Variants in CABLES1 observed in about 807,000 individuals in gnomAD.
The protein encoded by CABLES1 is CDK5 and ABL1 enzyme substrate 1.
In CABLES1, 36 loss-of-function variants were observed where a neutral mutation model predicts 57.8. That is an observed-to-expected ratio of 0.62 (90% CI 0.48 to 0.82). The LOEUF (loss-of-function observed/expected upper bound fraction) is 0.82. CABLES1 is among the 40% of genes least tolerant of loss of function. CABLES1 has a pLI of 0.00. For missense variants in CABLES1, 767 were observed against 836.6 expected, an observed-to-expected ratio of 0.92 and a Z score of 1.03; for synonymous variants, 374 against 363.0, an observed-to-expected ratio of 1.03 and a Z score of -0.35.
In CABLES1 at chr18:23,259,908, A is replaced by C. The variant is rs1393286630; in HGVS notation, c.*2541A>C. The stretch of plus-strand genomic sequence containing the variant: ...CTGAGGCCTCTCCAGTCCTCCCCAC[A>C]CTCAGAGATCTGTGGGGAAGCTCCG... On this transcript the variant is annotated 3_prime_UTR_variant, in exon 10 of 10. Coordinates refer to ENST00000256925, the MANE Select transcript of CABLES1 (RefSeq NM_001100619.3). 6.6e-6 allele frequency: 1 copy of C among 152,098 alleles called. No homozygotes were observed. Among genetic ancestry groups the C allele is most frequent in the Non-Finnish European group, 1.5e-5 (1 of 68,136 alleles). The allele number at this position is 152,098 out of a possible 1,614,324, so 9.4% of individuals were successfully genotyped here.
intron 4 of CABLES1, among the ~76,000 whole-genome samples, chr18:23,221,072 C>G (rs2047483562): frequency 6.6e-6 from 1 of 152,144 alleles, no homozygotes; most frequent in African/African-American, 2.4e-5. Context: ...CTTCAGGAAG[C>G]CATTTAGGGA....
chr18:23,237,052 C>G, intron 6 of CABLES1, 90 bp from the exon 7 acceptor site: 2 of 809,228 alleles, frequency 2.5e-6, no homozygotes, highest in Non-Finnish European at 4.4e-6. Flanking sequence ...TTTCTTCATT[C>G]CAGCTATACT....
Position 23,246,430 on chromosome 18 carries a change from C to T in CABLES1, c.1447-6530C>T, listed in dbSNP as rs376384827. On this transcript the variant is annotated intron_variant, in intron 7 of 9. Transcript: ENST00000256925. ...TTTTTGAGACGGAGTCTTGCTCTGT[C>T]GCCCAGGCTGAAGTGCAGTGGCAAG... Among the ~76,000 whole-genome samples, 24 of 151,996 alleles carry T rather than the reference C, an allele frequency of 1.6e-4. No homozygotes were observed. The East Asian group carries it at 1.7e-3, about 11-fold the overall frequency.
At chr18:23,252,575 A>T (rs2048064847) in intron 7 of CABLES1, among the ~76,000 whole-genome samples, 1 of 152,200 alleles carries the variant, frequency 6.6e-6, no homozygotes, top group Non-Finnish European at 1.5e-5. Context: ...AAGCCGTCAG[A>T]CTAGTGAATG....
intron 3 of CABLES1, among the ~76,000 whole-genome samples, chr18:23,200,320 T>C (rs907757794): frequency 6.6e-5 from 10 of 151,842 alleles, no homozygotes; most frequent in Admixed American, 4.6e-4. Flanking sequence ...AGTGCAGTGG[T>C]GTGATCTCGG....
At chr18:23,180,229 GT>G (rs555686701) in intron 1 of CABLES1, among the ~76,000 whole-genome samples, 1 of 152,008 alleles carries the variant, frequency 6.6e-6, no homozygotes, top group Non-Finnish European at 1.5e-5. Flanking sequence ...CCAACAGTTT[GT>G]TTTTTTTAAG....
intron 3 of CABLES1, among the ~76,000 whole-genome samples, chr18:23,212,245 A>AT (rs1467500701): frequency 3.9e-5 from 6 of 152,240 alleles, no homozygotes. Flanking sequence ...AAGATGGTTC[A>AT]TATTTATTGA....
intron 1 of CABLES1, among the ~76,000 whole-genome samples, chr18:23,157,012 AT>A (rs1225386128): frequency 6.6e-6 from 1 of 152,192 alleles, no homozygotes; most frequent in African/African-American, 2.4e-5. Flanking sequence ...GGTGACTCAA[AT>A]TTTTTGCCAC....
At position 23,200,552 on chromosome 18, in the gene CABLES1, G is replaced by T. The variant is rs562110914; in HGVS notation, c.1010+6012G>T. Among the ~76,000 whole-genome samples the T allele has an allele frequency of 1.4e-4, 21 of 152,194 alleles. No individual in the cohort carries two copies. The East Asian group carries it at 1.5e-3, about 11-fold the overall frequency. On this transcript the variant is annotated intron_variant, in intron 3 of 9. Transcript: ENST00000256925. ...GCTGGGATTACAGGCGTGAGCCACC[G>T]TGCCCGGTCAGGAGAGGGTAGATTT...
intron 1 of CABLES1, among the ~76,000 whole-genome samples, chr18:23,158,965 GTGTT>G (rs1181804488): frequency 2.0e-5 from 3 of 152,184 alleles, no homozygotes; most frequent in South Asian, 2.1e-4. Flanking sequence ...CACTGGGTTG[GTGTT>G]TGTTTGCTTG....
chr18:23,235,826 C>A, intron 5 of CABLES1, 69 bp from the exon 6 acceptor site: 1 of 1,477,874 alleles, frequency 6.8e-7, no homozygotes, highest in Non-Finnish European at 9.4e-7. Context: ...ACAACTGTAG[C>A]TTGATCAGAA....
chr18:23,224,994 C>T (rs763071548), intron 4 of CABLES1, among the ~76,000 whole-genome samples: 30 of 152,158 alleles, frequency 2.0e-4, no homozygotes, highest in South Asian at 1.5e-3. Flanking sequence ...CAGCTTCCTG[C>T]GTAGCTGGGA....
intron 1 of CABLES1, among the ~76,000 whole-genome samples, chr18:23,139,861 T>C (rs894249042): frequency 1.2e-4 from 19 of 152,212 alleles, no homozygotes; most frequent in Non-Finnish European, 1.3e-4. Context: ...CCATAGATAA[T>C]TTTTGAGCTG....
In CABLES1 at chr18:23,224,671, C is replaced by G. The variant is rs557411868; in HGVS notation, c.1089-9937C>G. The stretch of plus-strand genomic sequence containing the variant: ...GCAAGCTCCGCCTCCTGGGTTCACG[C>G]CATTCTCCTGCCACAGCCTCCTGAG... On this transcript the variant is annotated intron_variant, in intron 4 of 9. Transcript: ENST00000256925. Among the ~76,000 whole-genome samples, 17 of 150,370 alleles carry G rather than the reference C, an allele frequency of 1.1e-4. No individual in the cohort carries two copies. In the East Asian group the frequency reaches 3.1e-3, roughly 28 times the overall value.
chr18:23,217,905 A>AGTT (rs2047453974), intron 4 of CABLES1, among the ~76,000 whole-genome samples: 1 of 152,234 alleles, frequency 6.6e-6, no homozygotes, highest in Admixed American at 6.5e-5. Context: ...GCTCACCCAC[A>AGTT]GCCCCACACC....
intron 1 of CABLES1, among the ~76,000 whole-genome samples, chr18:23,178,249 T>C (rs901992606): frequency 6.6e-6 from 1 of 151,984 alleles, no homozygotes; most frequent in African/African-American, 2.4e-5. Flanking sequence ...TACCTGCTTC[T>C]CCTGGTTCTA....
intron 1 of CABLES1, among the ~76,000 whole-genome samples, chr18:23,174,612 C>T (rs978098806): frequency 6.6e-6 from 1 of 151,712 alleles, no homozygotes; most frequent in Non-Finnish European, 1.5e-5. Flanking sequence ...GCTGGGACTA[C>T]AGGCACCCAC....
chr18:23,253,209 A>T, intron 8 of CABLES1, 143 bp downstream of exon 8: 1 of 606,168 alleles, frequency 1.6e-6, no homozygotes, highest in Admixed American at 2.4e-5. Context: ...ACAGCCGGGC[A>T]TGGTGGCTCA....
intron 1 of CABLES1, among the ~76,000 whole-genome samples, chr18:23,173,902 G>T (rs940256347): frequency 2.0e-5 from 3 of 152,234 alleles, no homozygotes; most frequent in African/African-American, 7.2e-5. Flanking sequence ...GTCAGAGGTT[G>T]CAGTGAGCTG....
Sources: allele counts gnomAD v4.1 joint callset (sites outside exome capture counted in the v4.1 genomes callset), GRCh38; gene constraint gnomAD v4.1.1; transcripts MANE v1.5; gene names NCBI Gene and HGNC (gene_info 2026-07-23, HGNC 2026-07-21).